ACER1: variants seen among roughly 807,000 people sequenced by gnomAD.
The protein encoded by ACER1 is alkaline ceramidase 1, also known as CTB-180A7.3.
In ACER1, 28 loss-of-function variants were observed where a neutral mutation model predicts 24.9. The observed-to-expected ratio is 1.13, with a 90% confidence interval of 0.83 to 1.54. ACER1 has a LOEUF of 1.54. ACER1 is among the 40% of genes most tolerant of loss of function. ACER1 has a pLI of 0.00. For synonymous variants in ACER1, 132 were observed against 131.4 expected, an observed-to-expected ratio of 1.00 and a Z score of -0.03; for missense variants, 352 against 349.3, an observed-to-expected ratio of 1.01 and a Z score of -0.06.
chr19:6,327,419 G>GC (rs1385684317), intron 1 of ACER1, among the ~76,000 whole-genome samples: 1 of 151,796 alleles, frequency 6.6e-6, no homozygotes, highest in African/African-American at 2.4e-5. Flanking sequence ...CAAAAAATTA[G>GC]CCAGGGGTGG....
rs1233273041 is a variant in ACER1, at chr19:6,329,190, GA to G, written c.93+4268del. Among the ~76,000 whole-genome samples, 8 of 151,908 alleles carry G rather than the reference GA, an allele frequency of 5.3e-5. No individual in the cohort carries two copies. In the South Asian group the frequency reaches 1.0e-3, roughly 20 times the overall value. ...AAATAAAATAAAATAAACACGAAAA[GA>G]AAAAATTTGCCACCCACTCCACCCT... On this transcript the variant is annotated intron_variant, in intron 1 of 5. Transcript: ENST00000301452.
At chr19:6,340,101 A>C in the ACER1 span, among the ~76,000 whole-genome samples, 8,543 of 151,434 alleles carry the variant, frequency 0.056, 404 homozygotes, top group African/African-American at 0.13. Context: ...ATGGTGAGAC[A>C]CCGTCTCTAC....
chr19:6,315,556 T>C (rs2091599416), intron 1 of ACER1, among the ~76,000 whole-genome samples: 1 of 152,048 alleles, frequency 6.6e-6, no homozygotes, highest in Non-Finnish European at 1.5e-5. Flanking sequence ...ATTTTTTGTA[T>C]TTTTAGTAGA....
the ACER1 span, among the ~76,000 whole-genome samples, chr19:6,354,879 G>C: frequency 1.3e-5 from 2 of 152,132 alleles, no homozygotes; most frequent in Non-Finnish European, 2.9e-5. Context: ...CCGAGCCGAA[G>C]CTGGACTGTA....
upstream of ACER1, among the ~76,000 whole-genome samples, chr19:6,337,693 T>TTTTTTTTTTTTTTTTTTTTTTTTTTTTA: frequency 8.1e-6 from 1 of 123,550 alleles, no homozygotes; most frequent in Non-Finnish European, 1.6e-5. Flanking sequence ...TTTTTTTTTT[T>TTTTTTTTTTTTTTTTTTTTTTTTTTTTA]GAGATGGAGT....
At chr19:6,316,968 CT>C (rs71174911) in intron 1 of ACER1, among the ~76,000 whole-genome samples, 6,696 of 117,150 alleles carry the variant, frequency 0.057, 608 homozygotes, top group African/African-American at 0.22. Flanking sequence ...CCCTCCCCAT[CT>C]TTTTTTTTTT....
At chr19:6,355,537 G>A in the ACER1 span, among the ~76,000 whole-genome samples, 1 of 150,392 alleles carries the variant, frequency 6.6e-6, no homozygotes, top group African/African-American at 2.5e-5. Context: ...GAAATGAGGA[G>A]CGTCTCTGCC....
At chr19:6,348,465 G>GAAAAAAAAAA in the ACER1 span, among the ~76,000 whole-genome samples, 1 of 101,902 alleles carries the variant, frequency 9.8e-6, no homozygotes, top group African/African-American at 3.6e-5. Flanking sequence ...ACTCCATCTG[G>GAAAAAAAAAA]AAAAAAAAAA....
the ACER1 span, among the ~76,000 whole-genome samples, chr19:6,353,045 T>C: frequency 2.6e-5 from 4 of 152,156 alleles, no homozygotes; most frequent in Admixed American, 2.0e-4. Context: ...ATTTATGGAG[T>C]CCTGGTGTGG....
chr19:6,347,109 A>AAAAAAAAAAAATATATAT, the ACER1 span, among the ~76,000 whole-genome samples: 2 of 113,822 alleles, frequency 1.8e-5, no homozygotes, highest in African/African-American at 5.1e-5. Flanking sequence ...AAAAAAAAAA[A>AAAAAAAAAAAATATATAT]ATATATATAT....
At chr19:6,318,394 G>A (rs2091613914) in intron 1 of ACER1, among the ~76,000 whole-genome samples, 1 of 151,842 alleles carries the variant, frequency 6.6e-6, no homozygotes, top group South Asian at 2.1e-4. Flanking sequence ...GCTTGAACCT[G>A]GGAGGCAGAG....
Position 6,310,792 on chromosome 19 carries a change from C to G in ACER1, c.351-958G>C, listed in dbSNP as rs537667281. Among the ~76,000 whole-genome samples the G allele has an allele frequency of 6.8e-5, 10 of 147,622 alleles. No individual in the cohort carries two copies. In the Admixed American group the frequency reaches 6.8e-4, roughly 10 times the overall value. On this transcript the variant is annotated intron_variant, in intron 3 of 5. Coordinates refer to ENST00000301452, the MANE Select transcript of ACER1 (RefSeq NM_133492.3). ...CTACTAAAGAGGCTGAGGCAGGGAT[C>G]GCTTGAGCCTGGGAATTGGAGGTTG...
chr19:6,311,555 A>AAGG (rs763051777), intron 3 of ACER1, among the ~76,000 whole-genome samples: 10 of 151,062 alleles, frequency 6.6e-5, no homozygotes, highest in Admixed American at 2.0e-4. Flanking sequence ...AAGGAAGAAG[A>AAGG]AGGAGGAGGA....
At chr19:6,352,571 G>A in the ACER1 span, among the ~76,000 whole-genome samples, 2 of 152,282 alleles carry the variant, frequency 1.3e-5, no homozygotes, top group Admixed American at 1.3e-4. Flanking sequence ...GTTTAGGGGC[G>A]GTTTGTTACA....
chr19:6,347,131 T>TATATATATATATATATATATAA, the ACER1 span, among the ~76,000 whole-genome samples: 2 of 134,538 alleles, frequency 1.5e-5, no homozygotes, highest in African/African-American at 6.0e-5. Flanking sequence ...TATATATATA[T>TATATATATATATATATATATAA]AAAATAATAA....
the ACER1 span, among the ~76,000 whole-genome samples, chr19:6,340,359 GGAAGGAAGGAAGGA>G: frequency 9.4e-6 from 1 of 106,494 alleles, no homozygotes; most frequent in Non-Finnish European, 2.0e-5. Flanking sequence ...AAGGAAGGAA[GGAAGGAAGGAAGGA>G]AGAAAAACAG....
At chr19:6,309,028 G>A (rs1253813787) in intron 4 of ACER1, among the ~76,000 whole-genome samples, 3 of 151,772 alleles carry the variant, frequency 2.0e-5, no homozygotes, top group South Asian at 2.1e-4. Context: ...ACGAAACTCC[G>A]TCTCTACTAA....
chr19:6,357,327 G>A, the ACER1 span, among the ~76,000 whole-genome samples: 301 of 152,062 alleles, frequency 2.0e-3, 1 homozygote, highest in African/African-American at 6.2e-3. Context: ...GATTACGGCC[G>A]TGAGCCACTC....
chr19:6,353,012 G>A, the ACER1 span, among the ~76,000 whole-genome samples: 1 of 152,124 alleles, frequency 6.6e-6, no homozygotes. Flanking sequence ...AAGGTTTGGA[G>A]GAATGAAAAC....
Sources: allele counts gnomAD v4.1 joint callset (sites outside exome capture counted in the v4.1 genomes callset), GRCh38; gene constraint gnomAD v4.1.1; transcripts MANE v1.5; gene names NCBI Gene and HGNC (gene_info 2026-07-23, HGNC 2026-07-21).